Variants in HMGCLL1 observed in about 807,000 individuals in gnomAD.
HMGCLL1 encodes 3-hydroxy-3-methylglutaryl-CoA lyase like 1.
HMGCLL1 carries 36 observed loss-of-function variants against 39.1 expected under a neutral mutation model. The observed-to-expected ratio is 0.92, with a 90% confidence interval of 0.71 to 1.22. The LOEUF (loss-of-function observed/expected upper bound fraction) is 1.22. Among genes scored for constraint, HMGCLL1 ranks in the 50% most tolerant of loss-of-function variants. The probability of loss-of-function intolerance (pLI) is 0.00; values close to 1 mark genes in which losing one functional copy is unlikely to be tolerated. For missense variants in HMGCLL1, 451 were observed against 416.5 expected (o/e 1.08, Z -0.72); for synonymous variants, 149 against 144.0 (o/e 1.03, Z -0.25).
At chr6:55,659,428 T>G in the HMGCLL1 span, among the ~76,000 whole-genome samples, 1 of 151,928 alleles carries the variant, frequency 6.6e-6, no homozygotes, top group African/African-American at 2.4e-5. Flanking sequence ...GAAGGGCAAA[T>G]TGCCCTGCAG....
At chr6:55,677,259 GC>G in the HMGCLL1 span, among the ~76,000 whole-genome samples, 2 of 152,116 alleles carry the variant, frequency 1.3e-5, no homozygotes, top group Non-Finnish European at 2.9e-5. Context: ...GCATGACGCT[GC>G]ACACCTGTGG....
chr6:55,548,878 T>C (rs1191117361), intron 1 of HMGCLL1, among the ~76,000 whole-genome samples: 2 of 150,546 alleles, frequency 1.3e-5, no homozygotes, highest in African/African-American at 5.0e-5. Flanking sequence ...AAAGTACATG[T>C]AAGAAGAAAA....
intron 3 of HMGCLL1, among the ~76,000 whole-genome samples, chr6:55,533,291 A>G (rs1189164587): frequency 6.6e-6 from 1 of 151,886 alleles, no homozygotes; most frequent in Non-Finnish European, 1.5e-5. Context: ...CAAAATATGT[A>G]CTATTATTAT....
the HMGCLL1 span, among the ~76,000 whole-genome samples, chr6:55,592,614 T>C: frequency 0.011 from 1,616 of 152,160 alleles, 7 homozygotes; most frequent in Admixed American, 0.024. Context: ...GCCTCTGAGA[T>C]GTAACAAGCA....
the HMGCLL1 span, among the ~76,000 whole-genome samples, chr6:55,665,154 T>C: frequency 6.6e-6 from 1 of 151,754 alleles, no homozygotes; most frequent in Non-Finnish European, 1.5e-5. Flanking sequence ...CTACATATTT[T>C]TACATGTCTG....
chr6:55,503,925 T>G lies in HMGCLL1; in HGVS notation c.543-4626A>C, dbSNP rs1000624460. ...AGAACCATTCCCAAGAACCCTCTCCTAAGTGCTCTCCTTGTTTCTAACCCC... is the reference window on the plus strand; with the variant it reads ...AGAACCATTCCCAAGAACCCTCTCCGAAGTGCTCTCCTTGTTTCTAACCCC... On this transcript the variant is annotated intron_variant, in intron 5 of 8. Coordinates refer to ENST00000274901, the MANE Select transcript of HMGCLL1 (RefSeq NM_001042406.2). 3.3e-5 allele frequency among the ~76,000 whole-genome samples: 5 copies of G among 151,808 alleles called. No individual in the cohort carries two copies. The East Asian group carries it at 9.7e-4, about 29-fold the overall frequency.
intron 2 of HMGCLL1, 57 bp downstream of exon 2, chr6:55,542,003 A>G (rs1769466345): frequency 8.5e-7 from 1 of 1,174,330 alleles, no homozygotes; most frequent in African/African-American, 1.6e-5. Context: ...GTAAATCTTT[A>G]CAATCTTAAA....
At chr6:55,649,038 G>A in the HMGCLL1 span, among the ~76,000 whole-genome samples, 4 of 152,030 alleles carry the variant, frequency 2.6e-5, no homozygotes, top group Admixed American at 6.6e-5. Context: ...TACTATACAT[G>A]ACTTGAATAG....
At chr6:55,673,340 C>T in the HMGCLL1 span, among the ~76,000 whole-genome samples, 1 of 152,012 alleles carries the variant, frequency 6.6e-6, no homozygotes, top group East Asian at 1.9e-4. Context: ...GGCTTGCAAG[C>T]GTTACTGAGC....
the HMGCLL1 span, among the ~76,000 whole-genome samples, chr6:55,641,519 C>A: frequency 2.0e-5 from 3 of 151,788 alleles, no homozygotes; most frequent in Non-Finnish European, 4.4e-5. Flanking sequence ...AATAGATATG[C>A]TTTTCTGATC....
At chr6:55,543,477 A>ATCAT (rs1491502924) in intron 1 of HMGCLL1, among the ~76,000 whole-genome samples, 137 of 10,052 alleles carry the variant, frequency 0.014, no homozygotes, top group African/African-American at 0.021. Flanking sequence ...TATCATATAT[A>ATCAT]ATATATATAT....
intron 7 of HMGCLL1, among the ~76,000 whole-genome samples, chr6:55,486,866 A>T (rs757007815): frequency 1.2e-4 from 18 of 152,150 alleles, no homozygotes; most frequent in Non-Finnish European, 2.6e-4. Context: ...AAGTGCTGGC[A>T]GACTCAGTAT....
intron 7 of HMGCLL1, among the ~76,000 whole-genome samples, chr6:55,465,457 T>C (rs1421000656): frequency 3.3e-5 from 5 of 152,056 alleles, no homozygotes; most frequent in South Asian, 2.1e-4. Context: ...TTTTTTATCA[T>C]TTATTTTCCT....
intron 7 of HMGCLL1, among the ~76,000 whole-genome samples, chr6:55,478,623 T>C (rs1310312319): frequency 6.6e-6 from 1 of 151,394 alleles, no homozygotes; most frequent in Non-Finnish European, 1.5e-5. Context: ...AAAACAAATA[T>C]GGATATGGAT....
At chr6:55,588,202 G>C in the HMGCLL1 span, among the ~76,000 whole-genome samples, 2 of 152,024 alleles carry the variant, frequency 1.3e-5, no homozygotes, top group African/African-American at 4.8e-5. Flanking sequence ...ATAACAAACT[G>C]TCTCTCAGAC....
intron 6 of HMGCLL1, 111 bp from the exon 7 acceptor site, chr6:55,495,718 T>C: frequency 1.6e-6 from 1 of 628,892 alleles, no homozygotes; most frequent in South Asian, 3.0e-5. Flanking sequence ...ATACCAGTAA[T>C]GTCCATGAAA....
chr6:55,641,590 A>C, the HMGCLL1 span, among the ~76,000 whole-genome samples: 1 of 152,000 alleles, frequency 6.6e-6, no homozygotes, highest in Non-Finnish European at 1.5e-5. Flanking sequence ...AATTGGAAGA[A>C]GGGAGTAGGA....
the HMGCLL1 span, among the ~76,000 whole-genome samples, chr6:55,587,369 A>G: frequency 6.6e-6 from 1 of 152,024 alleles, no homozygotes; most frequent in Non-Finnish European, 1.5e-5. Flanking sequence ...GCAAATGTTG[A>G]GAGATTTTGT....
chr6:55,447,416 A>G (rs941580715), intron 7 of HMGCLL1, among the ~76,000 whole-genome samples: 1 of 152,048 alleles, frequency 6.6e-6, no homozygotes, highest in African/African-American at 2.4e-5. Flanking sequence ...TTGAGGAATG[A>G]CTAAGCTAAT....
Sources: allele counts gnomAD v4.1 joint callset (sites outside exome capture counted in the v4.1 genomes callset), GRCh38; gene constraint gnomAD v4.1.1; transcripts MANE v1.5; gene names NCBI Gene and HGNC (gene_info 2026-07-23, HGNC 2026-07-21).